PLEKHH1: variants seen among roughly 807,000 people sequenced by gnomAD.
The protein encoded by PLEKHH1 is pleckstrin homology domain-containing family H member 1.
A neutral mutation model predicts 160.0 loss-of-function variants in PLEKHH1; 104 were observed. The observed-to-expected ratio is 0.65, with a 90% CI of 0.55 to 0.76. PLEKHH1 has a LOEUF of 0.76. Ranked by LOEUF, PLEKHH1 falls within the 30% of genes least tolerant of loss-of-function variation. The pLI is 0.00. For synonymous variants in PLEKHH1, 619 were observed against 678.4 expected, an observed-to-expected ratio of 0.91 and a Z score of 1.36; for missense variants, 1,427 against 1,724.1, an observed-to-expected ratio of 0.83 and a Z score of 3.05.
chr14:67,567,153 C>T (rs576962676), intron 7 of PLEKHH1, among the ~76,000 whole-genome samples: 3 of 151,004 alleles, frequency 2.0e-5, no homozygotes, highest in Non-Finnish European at 3.0e-5. Flanking sequence ...TTCCGTGTTC[C>T]GGGGAGAGCT....
rs529505035 is a variant in PLEKHH1, at chr14:67,547,566, C to T, written c.126+5573C>T. Among the ~76,000 whole-genome samples, 112 of 152,298 alleles carry T rather than the reference C, an allele frequency of 7.4e-4. 1 individual carries two copies. Among genetic ancestry groups the T allele is most frequent in the African/African-American group, 2.5e-3 (104 of 41,580 alleles). On this transcript the variant is annotated intron_variant, in intron 2 of 28. Coordinates refer to ENST00000329153, the MANE Select transcript of PLEKHH1 (RefSeq NM_020715.3). ...GCCAGCCCTCCCACCCATCTGCTCCCCTACCTCTCTACCCAGCTGGCCCTG... is the reference window on the plus strand; with the variant it reads ...GCCAGCCCTCCCACCCATCTGCTCCTCTACCTCTCTACCCAGCTGGCCCTG...
intron 2 of PLEKHH1, among the ~76,000 whole-genome samples, chr14:67,548,853 T>G (rs949378753): frequency 3.3e-5 from 5 of 152,240 alleles, no homozygotes; most frequent in African/African-American, 1.2e-4. Context: ...AGCCAAGGTT[T>G]TGGAGTATAA....
In PLEKHH1 at chr14:67,575,857, A is replaced by G. The variant is rs11158685; in HGVS notation, c.2204A>G (p.His735Arg). ...GGCTGCCTGCCTGTGCGGGATGCGCACATAGAGGAAGTAGATCGATCCTGT... is the reference window on the plus strand; with the variant it reads ...GGCTGCCTGCCTGTGCGGGATGCGCGCATAGAGGAAGTAGATCGATCCTGT... The part of the protein sequence containing the change: ...PLGCLPVRDA[H>R]IEEVDRSCDS... The change falls in exon 16 of 29, where the codon CAC becomes CGC. Residue 735 changes from histidine to arginine, a missense_variant. Transcript: ENST00000329153. 0.5 allele frequency: 812,714 copies of G among 1,612,940 alleles called. 206,455 individuals are homozygous for G. The highest frequency in any genetic ancestry group is 0.56 in the Admixed American group (33,781 of 59,944).
chr14:67,549,147 A>C (rs1367801140), intron 2 of PLEKHH1, among the ~76,000 whole-genome samples: 1 of 152,198 alleles, frequency 6.6e-6, no homozygotes, highest in Non-Finnish European at 1.5e-5. Context: ...GCATAAAATC[A>C]TCATGGAATG....
At chr14:67,555,945 G>A (rs2140389781) in intron 3 of PLEKHH1, 58 bp downstream of exon 3, 1 of 1,592,492 alleles carries the variant, frequency 6.3e-7, no homozygotes, top group Non-Finnish European at 8.6e-7. Context: ...GGCCCTTCCA[G>A]GCCCTTCCCA....
At chr14:67,584,854 T>C (rs1594797318) in intron 26 of PLEKHH1, among the ~76,000 whole-genome samples, 1 of 152,326 alleles carries the variant, frequency 6.6e-6, no homozygotes, top group South Asian at 2.1e-4. Flanking sequence ...TTATAAGCCA[T>C]CACAAATGCT....
At chr14:67,566,232 G>A (rs2035081110) in intron 7 of PLEKHH1, among the ~76,000 whole-genome samples, 1 of 152,142 alleles carries the variant, frequency 6.6e-6, no homozygotes, top group Non-Finnish European at 1.5e-5. Flanking sequence ...CTGTAAGACT[G>A]GAGACCCAGT....
At chr14:67,569,653 A>G (rs1321451073) in intron 8 of PLEKHH1, 1 of 513,808 alleles carries the variant, frequency 1.9e-6, no homozygotes, top group East Asian at 3.3e-5. Context: ...CACATCTGCA[A>G]CAGTGGAACA....
At chr14:67,581,091 C>G in intron 23 of PLEKHH1, 53 bp downstream of exon 23, 1 of 1,134,784 alleles carries the variant, frequency 8.8e-7, no homozygotes, top group Non-Finnish European at 1.3e-6. Flanking sequence ...CCACTGGGTG[C>G]CAGCTCATCG....
intron 22 of PLEKHH1, chr14:67,580,135 A>G: frequency 2.5e-6 from 1 of 403,910 alleles, no homozygotes; most frequent in South Asian, 3.3e-5. Flanking sequence ...GTCCAGAAGA[A>G]AAGCCTCTTC....
Position 67,581,929 on chromosome 14 carries a change from G to A in PLEKHH1, c.3285-140G>A, listed in dbSNP as rs551187941. On this transcript the variant is annotated intron_variant, in intron 23 of 28. Coordinates refer to ENST00000329153, the MANE Select transcript of PLEKHH1 (RefSeq NM_020715.3). ...TGTCATACTCGGTTATATGTTTCTGGAGGCAATACAAAATAGGCTCATAAA... is the reference window on the plus strand; with the variant it reads ...TGTCATACTCGGTTATATGTTTCTGAAGGCAATACAAAATAGGCTCATAAA... 175 of 765,802 alleles carry A rather than the reference G, an allele frequency of 2.3e-4. 1 individual carries two copies. Among genetic ancestry groups the A allele is most frequent in the Non-Finnish European group, 3.4e-4 (164 of 476,968 alleles). 47.4% of individuals were successfully genotyped at this position (765,802 alleles called of 1,614,324 possible). A position where few individuals can be genotyped will look rare whatever the true frequency, so the allele number is the denominator to read the frequency against.
intron 2 of PLEKHH1, among the ~76,000 whole-genome samples, chr14:67,545,956 A>G (rs552644379): frequency 3.3e-5 from 5 of 152,192 alleles, no homozygotes; most frequent in Non-Finnish European, 7.4e-5. Context: ...AAAAAAAAAA[A>G]AAAGTTGAAA....
intron 9 of PLEKHH1, 73 bp from the exon 10 acceptor site, chr14:67,571,679 A>G: frequency 6.7e-7 from 1 of 1,495,184 alleles, no homozygotes; most frequent in African/African-American, 1.4e-5. Flanking sequence ...TTGGACCAGG[A>G]GTGCAAGCTG....
In PLEKHH1 at chr14:67,582,039, A is replaced by G; in HGVS notation, c.3285-30A>G. 1 of 1,593,666 alleles carries G rather than the reference A, an allele frequency of 6.3e-7. No homozygotes were observed. Among genetic ancestry groups the G allele is most frequent in the East Asian group, 2.2e-5 (1 of 44,448 alleles). Reference sequence around the variant, plus strand: ...CCATCCCTGTTTGGAATCCCTGCTGAGTCCTGGTTTCTTATTCTCTTCTTT... The same window carrying G: ...CCATCCCTGTTTGGAATCCCTGCTGGGTCCTGGTTTCTTATTCTCTTCTTT... On this transcript the variant is annotated intron_variant, in intron 23 of 28. Coordinates refer to ENST00000329153, the MANE Select transcript of PLEKHH1 (RefSeq NM_020715.3). This position sits in a 1 kb window ranked among gnomAD's most constrained non-coding sequence, Gnocchi z 5.0.
rs192759551 is a variant in PLEKHH1, at chr14:67,569,233, G to A, written c.1342+17G>A. Reference sequence around the variant, plus strand: ...CATGCTGCGGTGAGTTCCAAGTGAGGCTTGGAGGCACCAAACACCCAAGGT... The same window carrying A: ...CATGCTGCGGTGAGTTCCAAGTGAGACTTGGAGGCACCAAACACCCAAGGT... On this transcript the variant is annotated intron_variant, in intron 8 of 28. Transcript: ENST00000329153. The A allele has an allele frequency of 2.2e-4, 345 of 1,577,858 alleles. No homozygotes were observed. Among genetic ancestry groups the A allele is most frequent in the Middle Eastern group, 3.3e-4 (2 of 5,976 alleles).
intron 27 of PLEKHH1, 90 bp from the exon 28 acceptor site, chr14:67,585,861 T>C: frequency 7.3e-7 from 1 of 1,370,978 alleles, no homozygotes; most frequent in Non-Finnish European, 1.0e-6. Flanking sequence ...AGTTCTCCTT[T>C]CCTGTGCCTA....
In PLEKHH1 at chr14:67,578,307, G is replaced by A. The variant is rs913046751; in HGVS notation, c.2751+108G>A. The stretch of plus-strand genomic sequence containing the variant: ...CAGGTATACGGTGAGCCCAGCCAGC[G>A]GGCAGCCTCTGTGCTCCAAGCTGCA... On this transcript the variant is annotated intron_variant, in intron 19 of 28. Coordinates refer to ENST00000329153, the MANE Select transcript of PLEKHH1 (RefSeq NM_020715.3). This position sits in a 1 kb window ranked among gnomAD's most constrained non-coding sequence, Gnocchi z 5.0. 30 of 986,620 alleles carry A rather than the reference G, an allele frequency of 3.0e-5. No individual in the cohort carries two copies. The highest frequency in any genetic ancestry group is 2.8e-4 in the African/African-American group (18 of 63,280). The allele number at this position is 986,620 out of a possible 1,614,324, so 61.1% of individuals were successfully genotyped here. A position where few individuals can be genotyped will look rare whatever the true frequency, so the allele number is the denominator to read the frequency against.
At chr14:67,545,536 T>C (rs1309306102) in intron 2 of PLEKHH1, among the ~76,000 whole-genome samples, 2 of 151,480 alleles carry the variant, frequency 1.3e-5, no homozygotes, top group African/African-American at 4.9e-5. Context: ...AAATAATATA[T>C]CAAAAAAAGG....
chr14:67,548,947 C>G (rs916694594), intron 2 of PLEKHH1, among the ~76,000 whole-genome samples: 3 of 152,188 alleles, frequency 2.0e-5, no homozygotes, highest in African/African-American at 7.2e-5. Context: ...TCCCCTTAAG[C>G]AAGAGAACAA....
Sources: gnomAD v4.1 joint callset for allele counts (sites outside exome capture counted in the v4.1 genomes callset) on GRCh38, gnomAD v4.1.1 for gene constraint, Gnocchi (gnomAD v3.1) non-coding constraint, MANE v1.5 for transcripts, NCBI Gene and HGNC (gene_info 2026-07-23, HGNC 2026-07-21) for gene names.